GRIP2: variants seen among roughly 807,000 people sequenced by gnomAD.
The protein encoded by GRIP2 is glutamate receptor-interacting protein 2.
In GRIP2, 58 loss-of-function variants were observed where a neutral mutation model predicts 108.3. The ratio of observed to expected loss-of-function variants is 0.54; its 90% confidence interval spans 0.43 to 0.67. GRIP2 has a LOEUF of 0.67. GRIP2 is among the 30% of genes least tolerant of loss of function. The pLI, the probability that GRIP2 is intolerant of heterozygous loss-of-function variation, is 0.00. For synonymous variants in GRIP2, 586 were observed against 598.2 expected (o/e 0.98, Z 0.30); for missense variants, 1,278 against 1,430.6 (o/e 0.89, Z 1.72).
chr3:14,534,229 G>A (rs1694779485), intron 1 of GRIP2, among the ~76,000 whole-genome samples: 1 of 152,170 alleles, frequency 6.6e-6, no homozygotes, highest in Middle Eastern at 3.2e-3. Flanking sequence ...ATTACAATTG[G>A]CTGTGTGACT....
intron 11 of GRIP2, among the ~76,000 whole-genome samples, chr3:14,516,097 C>T (rs78124875): frequency 0.022 from 3,348 of 152,220 alleles, 78 homozygotes; most frequent in African/African-American, 0.052. Context: ...TCGCAAGAGC[C>T]TCCAGTCTCC....
At chr3:14,590,295 T>A in the GRIP2 span, among the ~76,000 whole-genome samples, 2 of 152,222 alleles carry the variant, frequency 1.3e-5, no homozygotes, top group Admixed American at 6.5e-5. Flanking sequence ...TTCTTATTGA[T>A]TTGCAGATCT....
At chr3:14,539,829 C>G (rs1037894962) in intron 1 of GRIP2, among the ~76,000 whole-genome samples, 1 of 152,166 alleles carries the variant, frequency 6.6e-6, no homozygotes, top group Admixed American at 6.5e-5. Context: ...AGTCTCCTGC[C>G]CAGCTGTGCC....
At chr3:14,564,545 T>A in the GRIP2 span, among the ~76,000 whole-genome samples, 6 of 152,210 alleles carry the variant, frequency 3.9e-5, no homozygotes, top group African/African-American at 1.4e-4. Flanking sequence ...GTAAGTATAG[T>A]ATCACACAGG....
rs1693966641 is a variant in GRIP2, at chr3:14,507,608, T to C, written c.2171A>G (p.Gln724Arg). The change falls in exon 18 of 24, where the codon CAG becomes CGG. Residue 724 changes from glutamine (Q) to arginine (R), a missense_variant. Transcript: ENST00000621039. This position sits in a 1 kb window ranked among gnomAD's most constrained non-coding sequence, Gnocchi z 4.6. ...CAGTGTGACGGTCTCTCCAGCCACC[T>C]GCAGGAGGTGGATGGCCTCGCTCAG... Reference protein sequence around the residue: ...RPLSEAIHLLQVAGETVTLKI... With the variant: ...RPLSEAIHLLRVAGETVTLKI... 6.2e-7 allele frequency: 1 copy of C among 1,614,052 alleles called. No individual in the cohort carries two copies. Among genetic ancestry groups the C allele is most frequent in the Non-Finnish European group, 8.5e-7 (1 of 1,179,898 alleles).
the GRIP2 span, among the ~76,000 whole-genome samples, chr3:14,569,288 G>A: frequency 3.3e-5 from 5 of 152,230 alleles, no homozygotes; most frequent in African/African-American, 1.2e-4. Flanking sequence ...CAGAAGGCTG[G>A]ATTCTTAGAA....
At chr3:14,544,792 C>A (rs1251672237), upstream of GRIP2, among the ~76,000 whole-genome samples, 1 of 152,174 alleles carries the variant, frequency 6.6e-6, no homozygotes, top group Non-Finnish European at 1.5e-5. Context: ...ATTATCGTAC[C>A]CATTTTATAG....
chr3:14,555,920 A>G, exon 1 of GRIP2: 1 of 399,404 alleles, frequency 2.5e-6, no homozygotes, highest in Non-Finnish European at 4.4e-6. Context: ...CCGCCTCACC[A>G]CGCCCAGCCG....
chr3:14,540,655 G>A (rs760900986), upstream of GRIP2, among the ~76,000 whole-genome samples: 10 of 152,052 alleles, frequency 6.6e-5, no homozygotes, highest in Non-Finnish European at 1.2e-4. The surrounding 1 kb of genome is among the most constrained non-coding windows in gnomAD (Gnocchi z 4.1). Flanking sequence ...CCCTCACTAG[G>A]CATCAGTTTT....
intron 20 of GRIP2, among the ~76,000 whole-genome samples, chr3:14,504,761 C>G (rs573392910): frequency 6.6e-6 from 1 of 152,286 alleles, no homozygotes; most frequent in East Asian, 1.9e-4. Flanking sequence ...ACAGACATTT[C>G]CTGAGCTAAG....
the GRIP2 span, among the ~76,000 whole-genome samples, chr3:14,562,956 C>A: frequency 6.6e-6 from 1 of 151,836 alleles, no homozygotes; most frequent in Admixed American, 6.6e-5. Context: ...AATGATACCA[C>A]GAGAACATTC....
At chr3:14,593,362 A>G in the GRIP2 span, among the ~76,000 whole-genome samples, 1 of 152,236 alleles carries the variant, frequency 6.6e-6, no homozygotes, top group Admixed American at 6.5e-5. Context: ...GGGCCTCCCC[A>G]CTGGGCCATG....
rs1010988822 is a variant in GRIP2, at chr3:14,520,901, C to T, written c.713-364G>A. On this transcript the variant is annotated intron_variant, in intron 7 of 23. Transcript: ENST00000621039. ...AGGAAATGGCACCTCCATTAACACA[C>T]CCAGTGGCTGGAAATTAAAACTTTG... is the stretch of plus-strand genomic sequence containing the variant. 6 of 235,156 alleles carry T rather than the reference C, an allele frequency of 2.6e-5. No individual in the cohort carries two copies. The South Asian group carries it at 2.8e-4, about 11-fold the overall frequency. 14.6% of individuals were successfully genotyped at this position (235,156 alleles called of 1,614,324 possible).
chr3:14,572,387 C>G, the GRIP2 span, among the ~76,000 whole-genome samples: 1 of 150,522 alleles, frequency 6.6e-6, no homozygotes, highest in Non-Finnish European at 1.5e-5. Context: ...GCCGAATGGG[C>G]GGATCACGAG....
chr3:14,544,930 C>A (rs1034429745), upstream of GRIP2, among the ~76,000 whole-genome samples: 2 of 152,220 alleles, frequency 1.3e-5, no homozygotes, highest in Non-Finnish European at 2.9e-5. Flanking sequence ...TCTTCCCCAG[C>A]CCTCATGGCC....
intron 23 of GRIP2, 48 bp downstream of exon 23, chr3:14,494,795 C>T: frequency 6.3e-7 from 1 of 1,579,172 alleles, no homozygotes; most frequent in Non-Finnish European, 8.6e-7. Context: ...CACCCTCAGG[C>T]TAGGAAACAA....
chr3:14,597,333 A>G, the GRIP2 span, among the ~76,000 whole-genome samples: 1 of 152,216 alleles, frequency 6.6e-6, no homozygotes, highest in African/African-American at 2.4e-5. Flanking sequence ...GTGGGGAAAA[A>G]AAATCCCCAT....
the GRIP2 span, among the ~76,000 whole-genome samples, chr3:14,596,533 A>C: frequency 6.6e-6 from 1 of 152,160 alleles, no homozygotes; most frequent in Non-Finnish European, 1.5e-5. Flanking sequence ...CCTGTTGAGC[A>C]CCTACTGTGT....
At chr3:14,599,717 G>T in the GRIP2 span, among the ~76,000 whole-genome samples, 224 of 146,558 alleles carry the variant, frequency 1.5e-3, no homozygotes, top group African/African-American at 5.1e-3. Context: ...GTGTGTTTGT[G>T]TGTGTGTGTG....
Sources: allele counts gnomAD v4.1 joint callset (sites outside exome capture counted in the v4.1 genomes callset), GRCh38; gene constraint gnomAD v4.1.1; non-coding constraint Gnocchi (gnomAD v3.1); transcripts MANE v1.5; gene names NCBI Gene and HGNC (gene_info 2026-07-23, HGNC 2026-07-21).